The following CFAP299 variants were observed in gnomAD, a reference collection of about 807,000 sequenced individuals.
The protein encoded by CFAP299 is cilia and flagella associated protein 299.
CFAP299 carries 21 observed loss-of-function variants against 27.0 expected under a neutral mutation model. That is an observed-to-expected ratio of 0.78 (90% CI 0.55 to 1.12). The LOEUF (loss-of-function observed/expected upper bound fraction) is 1.12. Among genes scored for constraint, CFAP299 ranks in the 50% most tolerant of loss-of-function variants. The probability of loss-of-function intolerance (pLI) is 0.00; values close to 1 mark genes in which losing one functional copy is unlikely to be tolerated. For missense variants in CFAP299, 310 were observed against 276.6 expected, an observed-to-expected ratio of 1.12 and a Z score of -0.86; for synonymous variants, 104 against 98.1, an observed-to-expected ratio of 1.06 and a Z score of -0.36.
chr4:80,803,118 G>T (rs1448564785), intron 3 of CFAP299, among the ~76,000 whole-genome samples: 5 of 152,006 alleles, frequency 3.3e-5, no homozygotes, highest in Admixed American at 6.6e-5. Flanking sequence ...AACCAAATTT[G>T]TTCGACTCCA....
rs571683948 is a variant in CFAP299 at position 80,418,927 on chromosome 4, G to A, written c.242+56043G>A. On this transcript the variant is annotated intron_variant, in intron 2 of 5. Transcript: ENST00000358105. ...ACACCTAGGTTGATTCTATAACTTG[G>A]CCATTGTTAATGGCACTGTGATAAG... Among the ~76,000 whole-genome samples the A allele has an allele frequency of 1.3e-4, 20 of 152,022 alleles. No homozygotes were observed. The South Asian group carries it at 4.0e-3, about 30-fold the overall frequency.
intron 3 of CFAP299, among the ~76,000 whole-genome samples, chr4:80,610,107 TC>T (rs1277783316): frequency 6.6e-6 from 1 of 152,108 alleles, no homozygotes; most frequent in Non-Finnish European, 1.5e-5. Flanking sequence ...ATAAGGTAGT[TC>T]TAAGTAATTT....
intron 2 of CFAP299, among the ~76,000 whole-genome samples, chr4:80,383,753 A>T (rs1270198061): frequency 6.6e-6 from 1 of 152,170 alleles, no homozygotes; most frequent in Non-Finnish European, 1.5e-5. Flanking sequence ...ATTATTTGTT[A>T]AGCAACTATA....
At chr4:80,336,575 G>A in intron 1 of CFAP299, 1 of 152,406 alleles carries the variant, frequency 6.6e-6, no homozygotes, top group Non-Finnish European at 1.5e-5. Flanking sequence ...TACCCCCGCT[G>A]CAGGGTGGTG....
intron 2 of CFAP299, among the ~76,000 whole-genome samples, chr4:80,571,020 G>A (rs935182961): frequency 2.0e-5 from 3 of 152,012 alleles, no homozygotes; most frequent in Non-Finnish European, 2.9e-5. Context: ...ACACCATATC[G>A]TTTAGGGGTA....
intron 4 of CFAP299, among the ~76,000 whole-genome samples, chr4:80,911,474 T>C (rs1735469985): frequency 6.6e-6 from 1 of 152,186 alleles, no homozygotes; most frequent in East Asian, 1.9e-4. Context: ...TAACATAGAA[T>C]TTTGATAGAC....
chr4:80,679,500 T>G (rs932954302), intron 3 of CFAP299, among the ~76,000 whole-genome samples: 1 of 152,050 alleles, frequency 6.6e-6, no homozygotes, highest in Non-Finnish European at 1.5e-5. Flanking sequence ...GCGGCCAAAC[T>G]ATTTTCCAGA....
chr4:80,718,655 C>T (rs377746704), intron 3 of CFAP299, among the ~76,000 whole-genome samples: 10 of 152,012 alleles, frequency 6.6e-5, no homozygotes, highest in East Asian at 3.9e-4. Context: ...TAAAGTATTA[C>T]GACAACTCTC....
chr4:80,449,631 A>G (rs1728803097), intron 2 of CFAP299, among the ~76,000 whole-genome samples: 1 of 151,676 alleles, frequency 6.6e-6, no homozygotes, highest in Non-Finnish European at 1.5e-5. Flanking sequence ...TGTTATATTT[A>G]TATTTTCTCA....
intron 3 of CFAP299, among the ~76,000 whole-genome samples, chr4:80,623,069 T>A (rs1738688119): frequency 6.6e-6 from 1 of 152,116 alleles, no homozygotes; most frequent in African/African-American, 2.4e-5. Flanking sequence ...GACTGACCGA[T>A]CTCATCAGGA....
intron 4 of CFAP299, chr4:80,871,591 G>C (rs1297623195): frequency 3.0e-5 from 30 of 985,226 alleles, no homozygotes; most frequent in Non-Finnish European, 3.4e-5. Flanking sequence ...GAAACCAAAG[G>C]CAAAATCCAG....
At chr4:80,456,938 C>T (rs1274466732) in intron 2 of CFAP299, among the ~76,000 whole-genome samples, 1 of 149,496 alleles carries the variant, frequency 6.7e-6, no homozygotes, top group African/African-American at 2.5e-5. Flanking sequence ...TGGATACCAA[C>T]AGAGGAAAGT....
At chr4:80,751,178 C>CT (rs1205781935) in intron 3 of CFAP299, among the ~76,000 whole-genome samples, 1 of 151,988 alleles carries the variant, frequency 6.6e-6, no homozygotes, top group Non-Finnish European at 1.5e-5. Context: ...GGTTGCTGAC[C>CT]TTTGAATGAG....
At chr4:80,424,155 T>C (rs764267256) in intron 2 of CFAP299, among the ~76,000 whole-genome samples, 28 of 152,146 alleles carry the variant, frequency 1.8e-4, no homozygotes, top group Non-Finnish European at 3.2e-4. Flanking sequence ...CTTCCAGTCT[T>C]AAGCCATTTT....
intron 3 of CFAP299, among the ~76,000 whole-genome samples, chr4:80,696,796 C>T (rs992907738): frequency 2.0e-5 from 3 of 152,058 alleles, no homozygotes; most frequent in Non-Finnish European, 1.5e-5. Context: ...CATAAATGAA[C>T]TTAAGGTGTC....
intron 2 of CFAP299, among the ~76,000 whole-genome samples, chr4:80,504,462 C>CACATATAT (rs1553929226): frequency 2.6e-5 from 1 of 37,760 alleles, no homozygotes; most frequent in Admixed American, 5.3e-4. Flanking sequence ...TAAAATCTCA[C>CACATATAT]ATATATATAT....
intron 3 of CFAP299, among the ~76,000 whole-genome samples, chr4:80,738,155 T>C (rs1724025115): frequency 6.6e-6 from 1 of 152,180 alleles, no homozygotes; most frequent in African/African-American, 2.4e-5. Context: ...ACATATGGAC[T>C]ATCCTTGAGA....
intron 2 of CFAP299, among the ~76,000 whole-genome samples, chr4:80,579,185 G>A (rs1195140310): frequency 6.6e-6 from 1 of 152,054 alleles, no homozygotes; most frequent in African/African-American, 2.4e-5. Flanking sequence ...CATAATAGTG[G>A]CCTCCAACTT....
intron 2 of CFAP299, among the ~76,000 whole-genome samples, chr4:80,417,129 C>A (rs1348683948): frequency 2.0e-5 from 3 of 152,110 alleles, no homozygotes; most frequent in African/African-American, 7.2e-5. Context: ...AGTTTCTCAC[C>A]TTTTTAGACT....
Sources: allele counts gnomAD v4.1 joint callset (sites outside exome capture counted in the v4.1 genomes callset), GRCh38; gene constraint gnomAD v4.1.1; transcripts MANE v1.5; gene names NCBI Gene and HGNC (gene_info 2026-07-23, HGNC 2026-07-21).